Variants in MTHFD1L observed in about 807,000 individuals in gnomAD.
The protein encoded by MTHFD1L is monofunctional C1-tetrahydrofolate synthase, mitochondrial.
MTHFD1L carries 81 observed loss-of-function variants against 119.5 expected under a neutral mutation model. The observed-to-expected ratio is 0.68, with a 90% CI of 0.57 to 0.82. MTHFD1L has a LOEUF of 0.82. MTHFD1L is among the 40% of genes least tolerant of loss of function. MTHFD1L has a pLI of 0.00. For synonymous variants in MTHFD1L, 430 were observed against 475.2 expected, an observed-to-expected ratio of 0.90 and a Z score of 1.24; for missense variants, 1,125 against 1,253.4, an observed-to-expected ratio of 0.90 and a Z score of 1.55.
intron 7 of MTHFD1L, among the ~76,000 whole-genome samples, chr6:150,905,404 T>C (rs1785743098): frequency 6.6e-6 from 1 of 152,222 alleles, no homozygotes; most frequent in African/African-American, 2.4e-5. Context: ...GCAGTATGTA[T>C]GCTGAAGTGA....
intron 7 of MTHFD1L, among the ~76,000 whole-genome samples, chr6:150,891,400 T>A (rs1783242995): frequency 6.7e-6 from 1 of 150,196 alleles, no homozygotes; most frequent in Non-Finnish European, 1.5e-5. Flanking sequence ...TATATATATA[T>A]GTAATCTAAT....
chr6:150,987,468 A>G (rs1406674538), intron 20 of MTHFD1L, among the ~76,000 whole-genome samples: 1 of 152,172 alleles, frequency 6.6e-6, no homozygotes, highest in Non-Finnish European at 1.5e-5. Flanking sequence ...CGTGCTGAGC[A>G]CCCTGCTTGG....
At chr6:151,088,829 C>G (rs1459873117) in intron 26 of MTHFD1L, among the ~76,000 whole-genome samples, 1 of 152,162 alleles carries the variant, frequency 6.6e-6, no homozygotes, top group Non-Finnish European at 1.5e-5. Flanking sequence ...TCCACTGCAG[C>G]TAACAAATAC....
chr6:150,944,306 G>A (rs537357416), intron 13 of MTHFD1L, among the ~76,000 whole-genome samples, 180 bp from the exon 14 acceptor site: 55 of 151,846 alleles, frequency 3.6e-4, no homozygotes, highest in Non-Finnish European at 6.2e-4. Flanking sequence ...AATTAGCCAG[G>A]CACAATGGTG....
intron 8 of MTHFD1L, among the ~76,000 whole-genome samples, chr6:150,907,377 G>A (rs1786098293): frequency 6.6e-6 from 1 of 152,060 alleles, no homozygotes; most frequent in Admixed American, 6.6e-5. Flanking sequence ...TTCTCTGGGG[G>A]AAAAAAAGAC....
chr6:150,957,926 C>T (rs755978227), intron 17 of MTHFD1L, among the ~76,000 whole-genome samples: 12 of 152,024 alleles, frequency 7.9e-5, no homozygotes, highest in Non-Finnish European at 1.5e-4. Flanking sequence ...GTAATAAAAG[C>T]GAGTATTGAA....
At chr6:150,930,109 G>A (rs891374751) in intron 11 of MTHFD1L, among the ~76,000 whole-genome samples, 11 of 152,058 alleles carry the variant, frequency 7.2e-5, no homozygotes, top group Non-Finnish European at 1.2e-4. Flanking sequence ...CTATTTTATC[G>A]ATAGCCTAAA....
At chr6:150,939,301 A>G (rs1477077104) in intron 13 of MTHFD1L, 1 of 152,406 alleles carries the variant, frequency 6.6e-6, no homozygotes. Flanking sequence ...AGGATGACAC[A>G]CAAATTTGTG....
chr6:150,907,374 G>C (rs1786097515), intron 8 of MTHFD1L, among the ~76,000 whole-genome samples: 1 of 152,074 alleles, frequency 6.6e-6, no homozygotes, highest in African/African-American at 2.4e-5. Context: ...TGATTCTCTG[G>C]GGGAAAAAAA....
At chr6:151,064,789 G>GTTTTTTTTT (rs63491461) in intron 26 of MTHFD1L, among the ~76,000 whole-genome samples, 3 of 147,786 alleles carry the variant, frequency 2.0e-5, no homozygotes, top group Non-Finnish European at 4.5e-5. Context: ...TTCTTTTTTT[G>GTTTTTTTTT]TTTTTTTTTT....
intron 8 of MTHFD1L, among the ~76,000 whole-genome samples, chr6:150,913,785 C>G (rs1165620067): frequency 6.6e-6 from 1 of 152,038 alleles, no homozygotes; most frequent in Non-Finnish European, 1.5e-5. Flanking sequence ...CTTGAGCTCA[C>G]GAGTTCGAGA....
intron 11 of MTHFD1L, chr6:150,935,170 A>C: frequency 6.2e-7 from 1 of 1,612,432 alleles, no homozygotes; most frequent in Non-Finnish European, 8.5e-7. Flanking sequence ...ATTCTAAAAC[A>C]GTCACTTTTC....
chr6:151,010,413 C>T (rs986129164), intron 21 of MTHFD1L, among the ~76,000 whole-genome samples: 5 of 152,128 alleles, frequency 3.3e-5, no homozygotes, highest in African/African-American at 9.7e-5. Context: ...GATAGTTTTT[C>T]GGTTCACTGA....
chr6:150,876,155 CG>C lies in MTHFD1L; in HGVS notation c.295del (p.Val99PhefsTer12), dbSNP rs1562296155. 6.3e-7 allele frequency: 1 copy of C among 1,596,268 alleles called. No individual in the cohort carries two copies. Among genetic ancestry groups the C allele is most frequent in the African/African-American group, 1.4e-5 (1 of 74,030 alleles). ...LLQEKNPAFK[P>X]VLAIIQAGDD... ...CAAGAAAAAAACCCTGCCTTCAAGC[CG>C]GTTCTTGCAATTATCCAGGTAAGCC... On this transcript the variant is annotated frameshift_variant, in exon 2 of 28. Transcript: ENST00000367321. LOFTEE classifies it high-confidence loss of function.
intron 4 of MTHFD1L, among the ~76,000 whole-genome samples, chr6:150,878,101 C>G (rs752590670): frequency 1.3e-5 from 2 of 152,200 alleles, no homozygotes; most frequent in Non-Finnish European, 2.9e-5. Context: ...TGGAAATTGT[C>G]AGGCCGAGGC....
chr6:150,950,063 A>AG (rs5880903), intron 16 of MTHFD1L, among the ~76,000 whole-genome samples: 46,615 of 152,044 alleles, frequency 0.31, 7,658 homozygotes, highest in East Asian at 0.46. Context: ...ATTTTATAGC[A>AG]GTTCCCGACT....
chr6:150,924,313 T>A (rs80259564), intron 10 of MTHFD1L, among the ~76,000 whole-genome samples: 1,867 of 151,374 alleles, frequency 0.012, 54 homozygotes, highest in African/African-American at 0.043. Context: ...CTTCACTTCC[T>A]GAGTTCAAGC....
At chr6:150,913,192 G>A (rs56848139) in intron 8 of MTHFD1L, among the ~76,000 whole-genome samples, 6,507 of 151,500 alleles carry the variant, frequency 0.043, 447 homozygotes, top group African/African-American at 0.15. Flanking sequence ...GCAGAGTCTC[G>A]CTCCCTCCCC....
chr6:151,030,734 T>C (rs1785230681), intron 24 of MTHFD1L, among the ~76,000 whole-genome samples: 1 of 152,226 alleles, frequency 6.6e-6, no homozygotes, highest in African/African-American at 2.4e-5. Context: ...ATAGGAAATA[T>C]AGAAATATTC....
Sources: gnomAD v4.1 joint callset for allele counts (sites outside exome capture counted in the v4.1 genomes callset) on GRCh38, gnomAD v4.1.1 for gene constraint, MANE v1.5 for transcripts, NCBI Gene and HGNC (gene_info 2026-07-23, HGNC 2026-07-21) for gene names.